The following CD55 variants were observed in gnomAD, a reference collection of about 807,000 sequenced individuals.
The protein encoded by CD55 is CD55 molecule (Cromer blood group), also known as complement decay-accelerating factor.
A neutral mutation model predicts 45.8 loss-of-function variants in CD55; 41 were observed. The ratio of observed to expected loss-of-function variants is 0.90; its 90% confidence interval spans 0.70 to 1.16. CD55 has a LOEUF of 1.16. CD55 is among the 50% of genes most tolerant of loss of function. CD55 has a pLI of 0.00. For synonymous variants in CD55, 181 were observed against 181.1 expected, an observed-to-expected ratio of 1.00 and a Z score of 0.01; for missense variants, 416 against 469.8, an observed-to-expected ratio of 0.89 and a Z score of 1.06.
chr1:207,326,913 A>G, intron 5 of CD55, 76 bp downstream of exon 5: 10 of 1,046,532 alleles, frequency 9.6e-6, no homozygotes, highest in Non-Finnish European at 1.5e-5. Context: ...GCCCCTTAAG[A>G]ATATTAGCAC....
intron 1 of CD55, 63 bp downstream of exon 1, chr1:207,321,928 T>C (rs1654425359): frequency 5.7e-6 from 7 of 1,224,530 alleles, no homozygotes; most frequent in Non-Finnish European, 6.7e-6. Flanking sequence ...AGTCGGTCTC[T>C]GAGACACGCA....
intron 5 of CD55, among the ~76,000 whole-genome samples, chr1:207,329,299 T>G (rs1180317908): frequency 6.6e-6 from 1 of 152,180 alleles, no homozygotes; most frequent in East Asian, 1.9e-4. Context: ...TTTTAAAATG[T>G]GGGGTTTGAG....
At chr1:207,336,945 A>C in intron 7 of CD55, 127 bp downstream of exon 7, 1 of 971,998 alleles carries the variant, frequency 1.0e-6, no homozygotes, top group Non-Finnish European at 1.6e-6. Context: ...CCAACACCTT[A>C]GAAACCCACC....
chr1:207,345,307 T>A (rs1435555214), intron 9 of CD55, among the ~76,000 whole-genome samples: 2 of 152,084 alleles, frequency 1.3e-5, no homozygotes, highest in East Asian at 3.9e-4. Context: ...GATTCTTTCT[T>A]CTGCTTGATC....
At chr1:207,358,510 A>G (rs1312081632) in intron 9 of CD55, 1 of 152,186 alleles carries the variant, frequency 6.6e-6, no homozygotes, top group African/African-American at 2.4e-5. Flanking sequence ...CTTCTCTACT[A>G]TTCAGCTCTT....
At chr1:207,334,849 T>A (rs1483425923) in intron 6 of CD55, among the ~76,000 whole-genome samples, 1 of 152,094 alleles carries the variant, frequency 6.6e-6, no homozygotes, top group Non-Finnish European at 1.5e-5. Context: ...AGTAATTATG[T>A]TAAGTGCAAT....
intron 5 of CD55, 40 bp from the exon 6 acceptor site, chr1:207,331,068 A>G: frequency 7.5e-7 from 1 of 1,324,922 alleles, no homozygotes. Context: ...ATACTTTACT[A>G]GTTTTATTTA....
At chr1:207,340,617 C>T (rs1655385525) in intron 9 of CD55, 6 of 679,078 alleles carry the variant, frequency 8.8e-6, no homozygotes, top group South Asian at 7.9e-5. Context: ...AGCGATTTTT[C>T]CGGCCTCCCA....
chr1:207,338,725 T>A (rs1260395046), intron 8 of CD55, among the ~76,000 whole-genome samples: 1 of 152,130 alleles, frequency 6.6e-6, no homozygotes, highest in Non-Finnish European at 1.5e-5. Flanking sequence ...TTGCAAAGTA[T>A]CTTCAGATTG....
chr1:207,330,226 A>G (rs1351020750), intron 5 of CD55, among the ~76,000 whole-genome samples: 2 of 152,144 alleles, frequency 1.3e-5, no homozygotes, highest in African/African-American at 4.8e-5. Context: ...TTTTGATCCA[A>G]GACCAAAGAG....
chr1:207,354,775 G>A (rs1656014615), intron 9 of CD55, among the ~76,000 whole-genome samples: 5 of 152,118 alleles, frequency 3.3e-5, no homozygotes, highest in South Asian at 4.1e-4. Context: ...GAGAAGATAC[G>A]TAGAATTTTG....
intron 6 of CD55, among the ~76,000 whole-genome samples, chr1:207,334,221 A>G (rs1259449390): frequency 6.6e-6 from 1 of 152,182 alleles, no homozygotes; most frequent in Non-Finnish European, 1.5e-5. Flanking sequence ...ACCAAAAGAC[A>G]ATAAGAAGAA....
Position 207,322,499 on chromosome 1 carries a change from C to T in CD55, c.218C>T (p.Pro73Leu). 4 of 1,614,240 alleles carry T rather than the reference C, an allele frequency of 2.5e-6. No individual in the cohort carries two copies. Among genetic ancestry groups the T allele is most frequent in the Non-Finnish European group, 3.4e-6 (4 of 1,180,032 alleles). Residue 73 changes from proline (P) to leucine (L), a missense_variant, in exon 2 of 10, where the codon CCT becomes CTT. Physicochemically the swap from Pro to Leu is moderately conservative, Grantham distance 98 (BLOSUM62 -3). This residue lies in a region of CD55 where 123 missense variants were observed against 105.1 expected (regional missense o/e 1.17). Transcript: ENST00000367064. ...TGTGAAGAAAGCTTTGTGAAAATTC[C>T]TGGCGAGAAGGACTCAGTGATCTGC... ...YKCEESFVKI[P>L]GEKDSVICLK...
chr1:207,331,355 G>A, intron 6 of CD55, 59 bp downstream of exon 6: 1 of 1,339,730 alleles, frequency 7.5e-7, no homozygotes, highest in Non-Finnish European at 1.0e-6. Flanking sequence ...CTATATGTGG[G>A]TTGCAGACAT....
Position 207,336,810 on chromosome 1 carries a change from A to T in CD55, c.971A>T (p.Asn324Ile). ...ACCACCACAAAAACCACCACACCAA[A>T]TGCTCAAGGTACAGAGACTCCATCA... ...QKTTTKTTTP[N>I]AQATRSTPVS... Residue 324 changes from asparagine to isoleucine, a missense_variant, in exon 7 of 10, where the codon AAT becomes ATT. Transcript: ENST00000367064. 3 of 1,613,762 alleles carry T rather than the reference A, an allele frequency of 1.9e-6. No homozygotes were observed. The highest frequency in any genetic ancestry group is 1.7e-6 in the Non-Finnish European group (2 of 1,179,774).
chr1:207,326,878 A>C (rs1321854948), intron 5 of CD55, 41 bp downstream of exon 5: 2 of 1,337,568 alleles, frequency 1.5e-6, no homozygotes, highest in African/African-American at 1.4e-5. Flanking sequence ...TGTGAGGCTG[A>C]GTACTCAATG....
intron 8 of CD55, 178 bp downstream of exon 8, chr1:207,337,587 A>T (rs1259967578): frequency 1.9e-5 from 8 of 424,090 alleles, no homozygotes; most frequent in Non-Finnish European, 3.4e-5. Context: ...GCAAATCTTT[A>T]AAAAAAGAAA....
intron 5 of CD55, among the ~76,000 whole-genome samples, chr1:207,328,678 C>A (rs1402523242): frequency 6.6e-6 from 1 of 152,132 alleles, no homozygotes; most frequent in African/African-American, 2.4e-5. Flanking sequence ...AGAATCAATC[C>A]CTGCTATATG....
chr1:207,321,779 G>T lies in CD55; in HGVS notation c.14G>T (p.Arg5Leu). MTVARPSVPAALPLL... is the reference protein window; with the variant it reads MTVALPSVPAALPLL... ...ACCCGGCGCGCCATGACCGTCGCGC[G>T]GCCGAGCGTGCCCGCGGCGCTGCCC... Residue 5 changes from arginine (R) to leucine (L), a missense_variant, in exon 1 of 10, where the codon CGG (arginine) becomes CTG (leucine). Arg to Leu is a moderately radical substitution (Grantham distance 102). Coordinates refer to ENST00000367064, the MANE Select transcript of CD55 (RefSeq NM_000574.5). The T allele has an allele frequency of 6.6e-7, 1 of 1,519,542 alleles. No individual in the cohort carries two copies. The highest frequency in any genetic ancestry group is 8.8e-7 in the Non-Finnish European group (1 of 1,140,052). The allele number at this position is 1,519,542 out of a possible 1,614,324, so 94.1% of individuals were successfully genotyped here.
Sources: allele counts gnomAD v4.1 joint callset (sites outside exome capture counted in the v4.1 genomes callset), GRCh38; gene constraint gnomAD v4.1.1; regional missense constraint gnomAD v4.1.1; transcripts MANE v1.5; gene names NCBI Gene and HGNC (gene_info 2026-07-23, HGNC 2026-07-21).